The following GPC3 variants were observed in gnomAD, a reference collection of about 807,000 sequenced individuals.
GPC3 encodes the protein glypican-3.
In GPC3, 3 loss-of-function variants were observed where a neutral mutation model predicts 34.4. The ratio of observed to expected loss-of-function variants is 0.09; its 90% CI spans 0.04 to 0.23. The LOEUF is 0.23. Ranked by LOEUF, GPC3 falls within the 10% of genes least tolerant of loss-of-function variation. GPC3 has a pLI of 1.00. For synonymous variants in GPC3, 177 were observed against 174.0 expected (o/e 1.02, Z -0.13); for missense variants, 351 against 445.6 (o/e 0.79, Z 1.91).
chrX:133,762,915 A>G, intron 2 of GPC3: 1 of 557,075 alleles, frequency 1.8e-6, no homozygotes, highest in South Asian at 2.2e-5. Context: ...ACATCTATAA[A>G]AGGAAAAGTG....
rs113212888 is a variant in GPC3 at position 133,671,377 on chromosome X, G to A, written c.1293-9527C>T. On this transcript the variant is annotated intron_variant, in intron 5 of 7. Transcript: ENST00000370818. ...CCAATGTTGGTGCTGGCAAAAAGTC[G>A]AAGAAGTAAAGGGCTGCAATATGTT... 27 of 556,110 alleles carry A rather than the reference G, an allele frequency of 4.9e-5. No homozygotes were observed. The East Asian group carries it at 7.3e-4, about 15-fold the overall frequency. The allele number at this position is 556,110 out of a possible 1,213,427, so 45.8% of individuals were successfully genotyped here.
chrX:133,719,782 C>T (rs2071345846), intron 3 of GPC3, among the ~76,000 whole-genome samples: 1 of 112,031 alleles, frequency 8.9e-6, no homozygotes, highest in Admixed American at 9.4e-5. Context: ...ATAGACAACC[C>T]ACAGAGTGGG....
chrX:133,855,545 A>ATATATATATATATATATATATATG (rs2075897011), intron 2 of GPC3, among the ~76,000 whole-genome samples: 1 of 106,158 alleles, frequency 9.4e-6, no homozygotes, highest in African/African-American at 3.4e-5. Flanking sequence ...ATATATATAT[A>ATATATATATATATATATATATATG]TATAGTAAAA....
chrX:133,892,870 A>G (rs189151456), intron 2 of GPC3, among the ~76,000 whole-genome samples: 11 of 111,720 alleles, frequency 9.8e-5, no homozygotes, highest in African/African-American at 3.6e-4. Flanking sequence ...TAATTAGAAG[A>G]AACCAGAGAT....
chrX:133,852,443 C>T (rs1428529230), intron 2 of GPC3, among the ~76,000 whole-genome samples: 6 of 112,158 alleles, frequency 5.3e-5, no homozygotes, highest in Non-Finnish European at 9.4e-5. Flanking sequence ...TTTGAAAACA[C>T]GCAGCTAAAA....
chrX:133,685,617 C>T lies in GPC3; in HGVS notation c.1292+6752G>A, dbSNP rs968322470. On this transcript the variant is annotated intron_variant, in intron 5 of 7. Transcript: ENST00000370818. Reference sequence around the variant, plus strand: ...TCAGGTGAAATGAGAGGTAAGATTGCATAAGATAAAGAGGAGGCAGATTCA... The same window carrying T: ...TCAGGTGAAATGAGAGGTAAGATTGTATAAGATAAAGAGGAGGCAGATTCA... Among the ~76,000 whole-genome samples the T allele has an allele frequency of 2.7e-5, 3 of 109,790 alleles. 1 individual carries two copies. The South Asian group carries it at 1.2e-3, about 43-fold the overall frequency.
intron 2 of GPC3, among the ~76,000 whole-genome samples, chrX:133,759,486 CAAA>C (rs2071764773): frequency 8.9e-6 from 1 of 111,961 alleles, no homozygotes; most frequent in Non-Finnish European, 1.9e-5. Context: ...TGATCTTTGA[CAAA>C]AGAGCAGAGA....
At chrX:133,541,217 A>T (rs1461129448) in intron 7 of GPC3, among the ~76,000 whole-genome samples, 1 of 198 alleles carries the variant, frequency 5.1e-3, no homozygotes, top group Non-Finnish European at 0.034. Context: ...TGGGAATAGT[A>T]TCTGGGGAAT....
At chrX:133,742,249 T>C (rs746113906) in intron 3 of GPC3, among the ~76,000 whole-genome samples, 1 of 111,225 alleles carries the variant, frequency 9.0e-6, no homozygotes, top group Non-Finnish European at 1.9e-5. Context: ...TGGCCAGAGG[T>C]TGGGGACAGG....
intron 2 of GPC3, among the ~76,000 whole-genome samples, chrX:133,804,068 A>C (rs2075624113): frequency 9.0e-6 from 1 of 110,842 alleles, no homozygotes; most frequent in South Asian, 3.9e-4. Context: ...CAAATCCAGA[A>C]GATTGAAATG....
At chrX:133,600,661 T>C (rs981881224) in intron 6 of GPC3, among the ~76,000 whole-genome samples, 4 of 111,573 alleles carry the variant, frequency 3.6e-5, no homozygotes, top group Non-Finnish European at 5.6e-5. Context: ...CTCCAGAGTG[T>C]TGAAAGAAGG....
chrX:133,653,135 C>T (rs1347484538), intron 6 of GPC3, among the ~76,000 whole-genome samples: 2 of 111,936 alleles, frequency 1.8e-5, no homozygotes, highest in Admixed American at 9.5e-5. Flanking sequence ...AAATGGCTCA[C>T]GTGGGATTAA....
At chrX:133,903,801 T>G (rs938409975) in intron 2 of GPC3, among the ~76,000 whole-genome samples, 1 of 111,212 alleles carries the variant, frequency 9.0e-6, no homozygotes, top group Non-Finnish European at 1.9e-5. Context: ...CACTCAGTCT[T>G]CCTCTCCCTT....
intron 3 of GPC3, among the ~76,000 whole-genome samples, chrX:133,747,720 T>C (rs758820157): frequency 1.8e-5 from 2 of 111,949 alleles, no homozygotes; most frequent in East Asian, 5.6e-4. Context: ...TGTGCATCTT[T>C]CCAGCTACTC....
chrX:133,690,532 T>G lies in GPC3; in HGVS notation c.1292+1837A>C, dbSNP rs146261424. 9.8e-3 allele frequency among the ~76,000 whole-genome samples: 1,095 copies of G among 111,559 alleles called. 11 individuals are homozygous for G. The highest frequency in any genetic ancestry group is 0.033 in the African/African-American group (1,013 of 30,685). On this transcript the variant is annotated intron_variant, in intron 5 of 7. Coordinates refer to ENST00000370818, the MANE Select transcript of GPC3 (RefSeq NM_004484.4). ...TCCTCTTTGCACTCCATTATACTGT[T>G]AATAAATTCCATTCAGCATTCCATG...
At chrX:133,923,346 GA>G (rs1282375217) in intron 2 of GPC3, among the ~76,000 whole-genome samples, 1 of 111,479 alleles carries the variant, frequency 9.0e-6, no homozygotes, top group African/African-American at 3.3e-5. Flanking sequence ...AGAGAGATAG[GA>G]CATGGTAGGT....
At chrX:133,706,771 C>T (rs1228000154) in intron 3 of GPC3, among the ~76,000 whole-genome samples, 1 of 111,558 alleles carries the variant, frequency 9.0e-6, no homozygotes, top group African/African-American at 3.3e-5. Context: ...TAAATTAGTC[C>T]AGCCACTGCA....
intron 2 of GPC3, among the ~76,000 whole-genome samples, chrX:133,783,964 C>T (rs923217484): frequency 3.6e-5 from 4 of 111,795 alleles, no homozygotes; most frequent in Non-Finnish European, 7.5e-5. Flanking sequence ...ATTAATGAAA[C>T]TGGACCGCCT....
intron 3 of GPC3, among the ~76,000 whole-genome samples, chrX:133,717,269 C>T (rs2071323644): frequency 9.0e-6 from 1 of 110,986 alleles, no homozygotes; most frequent in African/African-American, 3.3e-5. Flanking sequence ...GCTATAGTTG[C>T]TTTCTCTTCA....
Sources: allele counts gnomAD v4.1 joint callset (sites outside exome capture counted in the v4.1 genomes callset), GRCh38; gene constraint gnomAD v4.1.1; transcripts MANE v1.5; gene names NCBI Gene and HGNC (gene_info 2026-07-23, HGNC 2026-07-21).